Variants in DLG5 observed in about 807,000 individuals in gnomAD.
DLG5 encodes discs large MAGUK scaffold protein 5.
In DLG5, 48 loss-of-function variants were observed where a neutral mutation model predicts 189.8. The observed-to-expected ratio is 0.25, with a 90% CI of 0.20 to 0.32. The LOEUF is 0.32. Among genes scored for constraint, DLG5 ranks in the 10% least tolerant of loss-of-function variants. DLG5 has a pLI of 1.00. For missense variants in DLG5, 2,160 were observed against 2,544.7 expected (o/e 0.85, Z 3.25); for synonymous variants, 1,016 against 1,054.1 (o/e 0.96, Z 0.70).
chr10:77,820,430 C>T (rs535505723), intron 15 of DLG5: 2 of 167,546 alleles, frequency 1.2e-5, no homozygotes, highest in South Asian at 3.1e-4. Flanking sequence ...ACCAGCTCCT[C>T]CCACTGGGGC....
intron 16 of DLG5, 169 bp from the exon 17 acceptor site, chr10:77,819,634 C>T (rs1842236370): frequency 1.8e-6 from 2 of 1,081,112 alleles, no homozygotes; most frequent in African/African-American, 1.6e-5. Context: ...CCTGGCCTGT[C>T]TCCATTTGTA....
At chr10:77,841,434 G>A (rs994242990) in intron 7 of DLG5, among the ~76,000 whole-genome samples, 4 of 152,204 alleles carry the variant, frequency 2.6e-5, no homozygotes, top group African/African-American at 7.2e-5. Context: ...GAGCAGACTC[G>A]TGAGATGCAC....
At chr10:77,808,396 A>G (rs562235984) in intron 24 of DLG5, among the ~76,000 whole-genome samples, 1 of 152,230 alleles carries the variant, frequency 6.6e-6, no homozygotes, top group Non-Finnish European at 1.5e-5. Context: ...CCTCCAGAAT[A>G]GCTGGGACAA....
intron 15 of DLG5, 195 bp downstream of exon 15, chr10:77,820,887 C>A (rs1234507187): frequency 6.3e-6 from 4 of 630,598 alleles, no homozygotes; most frequent in East Asian, 2.8e-5. Flanking sequence ...GTGTCACACT[C>A]CCACTACCAT....
Position 77,842,175 on chromosome 10 carries a change from A to G in DLG5, c.1143T>C (p.His381=). 5 of 1,603,838 alleles carry G rather than the reference A, an allele frequency of 3.1e-6. No individual in the cohort carries two copies. The South Asian group carries it at 3.3e-5, about 11-fold the overall frequency. The change falls in exon 7 of 32, where the codon CAT becomes CAC. Residue 381 remains histidine, a synonymous_variant. Transcript: ENST00000372391. The stretch of plus-strand genomic sequence containing the variant: ...TCTGCGCCGTGGCCTTGTTCAGCTC[A>G]TGGTGGATCGCCTCAAACCTGGCAA... ...LSLRRFEAIH[H]ELNKATAQNK...
At position 77,833,736 on chromosome 10, in the gene DLG5, C is replaced by T. The variant is rs141566801; in HGVS notation, c.1748+178G>A. 6.4e-4 allele frequency among the ~76,000 whole-genome samples: 97 copies of T among 152,328 alleles called. 1 individual carries two copies. The East Asian group carries it at 0.017, about 26-fold the overall frequency. ...ATTAACCCTACATGGAGATGACATT[C>T]GAACCCATTCTACACACTGACAGAG... On this transcript the variant is annotated intron_variant, in intron 9 of 31. Coordinates refer to ENST00000372391, the MANE Select transcript of DLG5 (RefSeq NM_004747.4).
At chr10:77,919,044 C>T (rs989346244) in intron 1 of DLG5, among the ~76,000 whole-genome samples, 8 of 151,998 alleles carry the variant, frequency 5.3e-5, no homozygotes, top group African/African-American at 1.7e-4. Context: ...GGCAAAATCC[C>T]GTCTCTACTA....
At chr10:77,846,676 G>T (rs922283694) in intron 5 of DLG5, 1 of 455,942 alleles carries the variant, frequency 2.2e-6, no homozygotes. Flanking sequence ...CAGCCTTGGC[G>T]ACAGAGAAAT....
At chr10:77,877,518 T>G (rs1244725077) in intron 1 of DLG5, among the ~76,000 whole-genome samples, 1 of 152,166 alleles carries the variant, frequency 6.6e-6, no homozygotes, top group African/African-American at 2.4e-5. Flanking sequence ...ACCCTCTTTG[T>G]TCTGCCTCCC....
chr10:77,873,398 G>C (rs1476954379), intron 1 of DLG5, among the ~76,000 whole-genome samples: 1 of 152,116 alleles, frequency 6.6e-6, no homozygotes, highest in Non-Finnish European at 1.5e-5. Context: ...AGAGGTGGAA[G>C]GAAGCCACTG....
At chr10:77,828,161 T>C (rs1179427800) in intron 13 of DLG5, among the ~76,000 whole-genome samples, 1 of 152,142 alleles carries the variant, frequency 6.6e-6, no homozygotes, top group Non-Finnish European at 1.5e-5. Context: ...TAAACATTCA[T>C]GAGAATGTTA....
At chr10:77,860,861 C>G (rs1375303894) in intron 2 of DLG5, among the ~76,000 whole-genome samples, 2 of 152,098 alleles carry the variant, frequency 1.3e-5, no homozygotes, top group Non-Finnish European at 2.9e-5. Context: ...AGCTCTTGTT[C>G]ACAGATGTTA....
intron 1 of DLG5, among the ~76,000 whole-genome samples, chr10:77,910,096 G>C (rs937182617): frequency 1.3e-5 from 2 of 152,170 alleles, no homozygotes; most frequent in African/African-American, 4.8e-5. Flanking sequence ...CACGTCCTAC[G>C]TCTACATCCA....
In DLG5 at chr10:77,860,358, C is replaced by A. The variant is rs1265719; in HGVS notation, c.374-3466G>T. ...TGTTGCCCAGGCTGGAGTGCAGTGG[C>A]GCGATCTCGGCTCACCGCAACCTCC... is the stretch of plus-strand genomic sequence containing the variant. On this transcript the variant is annotated intron_variant, in intron 2 of 31. Coordinates refer to ENST00000372391, the MANE Select transcript of DLG5 (RefSeq NM_004747.4). Among the ~76,000 whole-genome samples, 86 of 152,114 alleles carry A rather than the reference C, an allele frequency of 5.7e-4. 1 individual carries two copies. Among genetic ancestry groups the A allele is most frequent in the African/African-American group, 2.0e-3 (81 of 41,498 alleles).
rs1461764866 is a variant in DLG5, at chr10:77,820,027, G to T, written c.3403-9C>A. On this transcript the variant is annotated splice_polypyrimidine_tract_variant and intron_variant, in intron 15 of 31. Coordinates refer to ENST00000372391, the MANE Select transcript of DLG5 (RefSeq NM_004747.4). ...GGGACACACTTCTGTTCCTGCAGAT[G>T]CAAGGGCAAGAGTGTCTGCTAGAAA... is the stretch of plus-strand genomic sequence containing the variant. The T allele has an allele frequency of 6.2e-7, 1 of 1,612,714 alleles. No individual in the cohort carries two copies. Among genetic ancestry groups the T allele is most frequent in the African/African-American group, 1.3e-5 (1 of 74,906 alleles).
At chr10:77,872,880 T>C (rs1844958326) in intron 1 of DLG5, among the ~76,000 whole-genome samples, 1 of 152,050 alleles carries the variant, frequency 6.6e-6, no homozygotes, top group Non-Finnish European at 1.5e-5. Context: ...CCCCAGGTTC[T>C]CCTGAAGGCA....
At chr10:77,799,449 C>T (rs1841090541) in intron 27 of DLG5, among the ~76,000 whole-genome samples, 1 of 152,198 alleles carries the variant, frequency 6.6e-6, no homozygotes, top group Admixed American at 6.5e-5. Flanking sequence ...CTGTCTCCAA[C>T]ATGTGAGGAC....
At chr10:77,816,065 A>G (rs1842034315) in intron 20 of DLG5, 11 of 458,210 alleles carry the variant, frequency 2.4e-5, no homozygotes, top group South Asian at 1.5e-5. Context: ...TTCACAACAG[A>G]AAGCTTCGAA....
intron 8 of DLG5, 23 bp downstream of exon 8, chr10:77,835,715 G>A (rs1781797): frequency 0.29 from 452,957 of 1,589,002 alleles, 66,600 homozygotes; most frequent in Admixed American, 0.44. Context: ...GCAAGCCCAC[G>A]CCAGCTTGAG....
Sources: allele counts gnomAD v4.1 joint callset (sites outside exome capture counted in the v4.1 genomes callset), GRCh38; gene constraint gnomAD v4.1.1; transcripts MANE v1.5; gene names NCBI Gene and HGNC (gene_info 2026-07-23, HGNC 2026-07-21).